AK8: variants seen among roughly 807,000 people sequenced by gnomAD.
AK8 encodes ATP-AMP transphosphorylase 8.
In AK8, 44 loss-of-function variants were observed where a neutral mutation model predicts 54.6. The ratio of observed to expected loss-of-function variants is 0.81; its 90% confidence interval spans 0.63 to 1.04. The LOEUF (loss-of-function observed/expected upper bound fraction) is 1.04. AK8 is among the 50% of genes least tolerant of loss of function. The probability of loss-of-function intolerance (pLI) is 0.00; values close to 1 mark genes in which losing one functional copy is unlikely to be tolerated. For missense variants in AK8, 555 were observed against 613.6 expected (o/e 0.90, Z 1.01); for synonymous variants, 239 against 245.6 (o/e 0.97, Z 0.25).
At chr9:132,844,496 T>C (rs1842672789) in intron 5 of AK8, among the ~76,000 whole-genome samples, 1 of 152,116 alleles carries the variant, frequency 6.6e-6, no homozygotes, top group Non-Finnish European at 1.5e-5. Flanking sequence ...ATATGTGTCA[T>C]TTTTCTCCCT....
intron 5 of AK8, among the ~76,000 whole-genome samples, chr9:132,836,053 G>A (rs1482895892): frequency 6.6e-6 from 1 of 152,168 alleles, no homozygotes. Flanking sequence ...CACCTGGAAG[G>A]TGGAGGTTGC....
At chr9:132,868,441 G>A (rs1483485643) in intron 2 of AK8, among the ~76,000 whole-genome samples, 4 of 152,080 alleles carry the variant, frequency 2.6e-5, no homozygotes, top group African/African-American at 4.8e-5. Flanking sequence ...TTCCCTCCAC[G>A]TTCCTGCCTT....
At chr9:132,827,372 C>A (rs1211698124) in intron 7 of AK8, 4 of 413,178 alleles carry the variant, frequency 9.7e-6, no homozygotes, top group African/African-American at 5.9e-5. Flanking sequence ...ATCCCATCAC[C>A]CATTAGGTTG....
chr9:132,740,705 C>G (rs1290770861), intron 11 of AK8, among the ~76,000 whole-genome samples: 2 of 147,890 alleles, frequency 1.4e-5, no homozygotes, highest in Non-Finnish European at 3.0e-5. Context: ...AGTCTTAGAG[C>G]TGAGCACCCC....
At chr9:132,875,614 C>A (rs1474938215) in intron 1 of AK8, among the ~76,000 whole-genome samples, 2 of 152,240 alleles carry the variant, frequency 1.3e-5, no homozygotes, top group Non-Finnish European at 2.9e-5. Flanking sequence ...TGCTCAGTCT[C>A]AGATCTCAAT....
rs541915169 is a variant in AK8, at chr9:132,871,057, C to T, written c.169+4058G>A. Among the ~76,000 whole-genome samples, 340 of 152,234 alleles carry T rather than the reference C, an allele frequency of 2.2e-3. 1 individual carries two copies. Among genetic ancestry groups the T allele is most frequent in the Middle Eastern group, 6.8e-3 (2 of 294 alleles). On this transcript the variant is annotated intron_variant, in intron 2 of 12. Coordinates refer to ENST00000298545, the MANE Select transcript of AK8 (RefSeq NM_152572.3). Reference sequence around the variant, plus strand: ...GGTCAGGTGTTTGAGACCAGCCTGGCCAACATGGTGAAACCCCGTCTCTAC... The same window carrying T: ...GGTCAGGTGTTTGAGACCAGCCTGGTCAACATGGTGAAACCCCGTCTCTAC...
At chr9:132,774,566 C>T (rs1839126084) in intron 11 of AK8, among the ~76,000 whole-genome samples, 2 of 152,236 alleles carry the variant, frequency 1.3e-5, no homozygotes, top group Non-Finnish European at 2.9e-5. Context: ...ACTCTGATGT[C>T]TCCCGAAGTC....
chr9:132,878,209 T>G lies in AK8; in HGVS notation c.47A>C (p.Gln16Pro). Residue 16 changes from glutamine (Q) to proline (P), a missense_variant, in exon 1 of 13, where the codon CAG (glutamine) becomes CCG (proline). Physicochemically the swap from Gln to Pro is moderately conservative, Grantham distance 76. Transcript: ENST00000298545. This position sits in a 1 kb window ranked among gnomAD's most constrained non-coding sequence, Gnocchi z 4.7. ...GAAGATGTGGTTCTCCTCCCCGTAC[T>G]GGGGCATCTCGGGGGGGATACGGTG... ...APHRIPPEMP[Q>P]YGEENHIFEL... The G allele has an allele frequency of 2.8e-6, 4 of 1,451,198 alleles. No individual in the cohort carries two copies. The highest frequency in any genetic ancestry group is 2.5e-5 in the Admixed American group (1 of 40,326). 89.9% of individuals were successfully genotyped at this position (1,451,198 alleles called of 1,614,324 possible). A position where few individuals can be genotyped will look rare whatever the true frequency, so the allele number is the denominator to read the frequency against.
chr9:132,821,715 G>C (rs551353374), intron 9 of AK8, among the ~76,000 whole-genome samples: 12 of 135,098 alleles, frequency 8.9e-5, no homozygotes, highest in Admixed American at 2.2e-4. Context: ...ACGTACATTT[G>C]TATGTATATA....
chr9:132,805,298 A>C (rs1840668171), intron 10 of AK8, among the ~76,000 whole-genome samples: 1 of 152,076 alleles, frequency 6.6e-6, no homozygotes, highest in Non-Finnish European at 1.5e-5. Context: ...TTTCTTTTTT[A>C]ATCTGGATGC....
At chr9:132,815,034 C>A (rs1841260782) in intron 9 of AK8, among the ~76,000 whole-genome samples, 1 of 152,252 alleles carries the variant, frequency 6.6e-6, no homozygotes, top group Non-Finnish European at 1.5e-5. Context: ...CAGGGCCTCG[C>A]TGCACCTGGA....
At chr9:132,872,674 C>T (rs568296471) in intron 2 of AK8, among the ~76,000 whole-genome samples, 9 of 151,966 alleles carry the variant, frequency 5.9e-5, no homozygotes, top group African/African-American at 2.2e-4. Flanking sequence ...TACTCTGTTG[C>T]CCAGGCTGGA....
At position 132,765,292 on chromosome 9, in the gene AK8, C is replaced by CAAAAAAAAAAAAAAAA. The variant is rs61495439; in HGVS notation, c.1121+27326_1121+27341dup. ...TGGGCAACAGAGCGAGACTCCATTT[C>CAAAAAAAAAAAAAAAA]AAAAAAAAAAAAAAAAAAAAAAGAG... On this transcript the variant is annotated intron_variant, in intron 11 of 12. Coordinates refer to ENST00000298545, the MANE Select transcript of AK8 (RefSeq NM_152572.3). Among the ~76,000 whole-genome samples the CAAAAAAAAAAAAAAAA allele has an allele frequency of 8.0e-4, 50 of 62,792 alleles. 2 individuals are homozygous for CAAAAAAAAAAAAAAAA. The highest frequency in any genetic ancestry group is 3.0e-3 in the African/African-American group (45 of 15,008). The allele number at this position is 62,792 out of a possible 152,430, so 41.2% of individuals were successfully genotyped here. A position where few individuals can be genotyped will look rare whatever the true frequency, so the allele number is the denominator to read the frequency against.
chr9:132,840,816 C>T (rs1021102029), intron 5 of AK8, among the ~76,000 whole-genome samples: 1 of 152,072 alleles, frequency 6.6e-6, no homozygotes, highest in African/African-American at 2.4e-5. Context: ...TCACTTGAAC[C>T]CAGGAGGCGG....
chr9:132,739,662 G>C (rs1231493155), intron 11 of AK8, among the ~76,000 whole-genome samples: 2 of 152,118 alleles, frequency 1.3e-5, no homozygotes, highest in Admixed American at 1.3e-4. Flanking sequence ...GGGAGGCTGA[G>C]GCAGGAGGGC....
At chr9:132,776,573 A>G (rs1282918114) in intron 11 of AK8, among the ~76,000 whole-genome samples, 1 of 152,198 alleles carries the variant, frequency 6.6e-6, no homozygotes, top group East Asian at 1.9e-4. Context: ...CCGTCCCTCA[A>G]ACAGCTGTGC....
chr9:132,845,480 T>C (rs1158991373), intron 5 of AK8, among the ~76,000 whole-genome samples: 1 of 152,168 alleles, frequency 6.6e-6, no homozygotes, highest in Non-Finnish European at 1.5e-5. Flanking sequence ...TTCACAGAAG[T>C]TAAATGCATA....
intron 11 of AK8, among the ~76,000 whole-genome samples, chr9:132,772,283 G>A (rs1021899203): frequency 1.3e-5 from 2 of 152,354 alleles, no homozygotes; most frequent in Admixed American, 6.5e-5. Context: ...GATGTTGTTA[G>A]GGTTGAATTG....
intron 4 of AK8, among the ~76,000 whole-genome samples, chr9:132,862,706 C>T (rs1036074879): frequency 6.6e-6 from 1 of 152,186 alleles, no homozygotes; most frequent in African/African-American, 2.4e-5. Flanking sequence ...AGCTCTGTGG[C>T]CTCACTGAGC....
Sources: allele counts gnomAD v4.1 joint callset (sites outside exome capture counted in the v4.1 genomes callset), GRCh38; gene constraint gnomAD v4.1.1; non-coding constraint Gnocchi (gnomAD v3.1); transcripts MANE v1.5; gene names NCBI Gene and HGNC (gene_info 2026-07-23, HGNC 2026-07-21).